Variants in KLF13 observed in about 807,000 individuals in gnomAD.
KLF13 encodes the protein Krueppel-like factor 13.
Under a neutral mutation model 16.7 loss-of-function variants are expected in KLF13, and 8 were observed. That is an observed-to-expected ratio of 0.48 (90% CI 0.28 to 0.87). KLF13 has a LOEUF of 0.87. Among genes scored for constraint, KLF13 ranks in the 40% least tolerant of loss-of-function variants. KLF13 has a pLI of 0.10. For synonymous variants in KLF13, 245 were observed against 208.4 expected (o/e 1.18, Z -1.51); for missense variants, 447 against 452.2 (o/e 0.99, Z 0.10).
intron 1 of KLF13, among the ~76,000 whole-genome samples, chr15:31,410,614 CA>C (rs2040181606): frequency 3.2e-5 from 3 of 93,874 alleles, no homozygotes; most frequent in African/African-American, 9.3e-5. Context: ...CACACACACA[CA>C]CACACACACA....
intron 1 of KLF13, among the ~76,000 whole-genome samples, chr15:31,357,302 C>T (rs1191703139): frequency 1.3e-5 from 2 of 152,208 alleles, no homozygotes; most frequent in Non-Finnish European, 2.9e-5. Context: ...GCCTCTGCTC[C>T]CTCCACATCA....
At chr15:31,370,298 T>G (rs2039538466) in intron 1 of KLF13, among the ~76,000 whole-genome samples, 1 of 152,122 alleles carries the variant, frequency 6.6e-6, no homozygotes, top group African/African-American at 2.4e-5. Flanking sequence ...GACATCCACA[T>G]ATTTTCCAGA....
At chr15:31,333,840 A>G (rs1595451337) in intron 1 of KLF13, among the ~76,000 whole-genome samples, 1 of 152,216 alleles carries the variant, frequency 6.6e-6, no homozygotes, top group East Asian at 1.9e-4. Context: ...GTTGTCTTGT[A>G]GAACAACTCA....
chr15:31,423,085 ATATACGTATATATACG>A (rs1390153865), intron 1 of KLF13, among the ~76,000 whole-genome samples: 4 of 140,248 alleles, frequency 2.9e-5, no homozygotes, highest in Admixed American at 2.1e-4. Context: ...AATTACATAT[ATATACGTATATATACG>A]TATACGTATA....
intron 2 of KLF13, among the ~76,000 whole-genome samples, chr15:31,397,739 A>G (rs1183884320): frequency 2.0e-5 from 3 of 152,214 alleles, no homozygotes; most frequent in African/African-American, 7.2e-5. Flanking sequence ...ATTTTCAACC[A>G]TACCCAGTGG....
chr15:31,432,690 TC>T (rs142630022), intron 1 of KLF13, among the ~76,000 whole-genome samples: 2,856 of 152,146 alleles, frequency 0.019, 93 homozygotes, highest in African/African-American at 0.06. Context: ...ACTCAAGCGA[TC>T]CTCTTGCCTT....
intron 1 of KLF13, among the ~76,000 whole-genome samples, chr15:31,364,102 CTG>C (rs4042090): frequency 0.81 from 123,635 of 151,858 alleles, 50,582 homozygotes; most frequent in South Asian, 0.9. Context: ...GCTTACGAAA[CTG>C]TGTTGAATCC....
At chr15:31,339,111 A>G (rs1383514742) in intron 1 of KLF13, among the ~76,000 whole-genome samples, 1 of 152,108 alleles carries the variant, frequency 6.6e-6, no homozygotes, top group Non-Finnish European at 1.5e-5. Context: ...GTCCCTGCTC[A>G]TGGTCAGGGT....
chr15:31,339,479 G>A (rs932982672), intron 1 of KLF13, among the ~76,000 whole-genome samples: 2 of 152,178 alleles, frequency 1.3e-5, no homozygotes, highest in Non-Finnish European at 2.9e-5. Context: ...CACTGGCCAC[G>A]ATCCAGGGAC....
intron 1 of KLF13, among the ~76,000 whole-genome samples, chr15:31,385,155 C>G (rs897609330): frequency 5.3e-5 from 8 of 152,132 alleles, no homozygotes; most frequent in African/African-American, 1.9e-4. Context: ...TGGATCTGTC[C>G]GCACCTTGAT....
chr15:31,383,232 T>G (rs2039749662), intron 1 of KLF13, among the ~76,000 whole-genome samples: 1 of 152,164 alleles, frequency 6.6e-6, no homozygotes, highest in Non-Finnish European at 1.5e-5. Flanking sequence ...CACACTCCAG[T>G]GGGTTTTCTG....
intron 1 of KLF13, among the ~76,000 whole-genome samples, chr15:31,417,668 A>G (rs1595509902): frequency 2.0e-5 from 3 of 151,542 alleles, no homozygotes; most frequent in Admixed American, 6.6e-5. Context: ...CAGCCTCCCG[A>G]GTAGCTGGGA....
At chr15:31,424,079 G>C (rs576882870) in intron 1 of KLF13, among the ~76,000 whole-genome samples, 8 of 152,140 alleles carry the variant, frequency 5.3e-5, no homozygotes, top group Non-Finnish European at 1.0e-4. Flanking sequence ...CTAGTAGAGA[G>C]ATTAAATCAC....
intron 1 of KLF13, among the ~76,000 whole-genome samples, chr15:31,362,944 A>G (rs2039412441): frequency 6.6e-6 from 1 of 152,248 alleles, no homozygotes; most frequent in South Asian, 2.1e-4. Flanking sequence ...GACAGGCCCC[A>G]GTGGAAGGAC....
chr15:31,327,939 C>G (rs925832780), intron 1 of KLF13, 150 bp downstream of exon 1: 10 of 946,516 alleles, frequency 1.1e-5, no homozygotes, highest in Non-Finnish European at 1.3e-5. Context: ...CCGCTCCGAC[C>G]CGCGGCTGGC....
downstream of KLF13, among the ~76,000 whole-genome samples, chr15:31,380,042 A>C (rs2039705554): frequency 6.6e-6 from 1 of 152,198 alleles, no homozygotes; most frequent in Admixed American, 6.5e-5. Flanking sequence ...TCACGCCTGT[A>C]ATCCCAGCAC....
chr15:31,342,540 G>A (rs12439853), intron 1 of KLF13, among the ~76,000 whole-genome samples: 8,851 of 152,244 alleles, frequency 0.058, 340 homozygotes, highest in East Asian at 0.13. Context: ...TCATCGCTGC[G>A]GTCGGCATCT....
intron 2 of KLF13, among the ~76,000 whole-genome samples, chr15:31,399,990 C>T (rs1166437191): frequency 1.3e-5 from 2 of 152,200 alleles, no homozygotes; most frequent in Non-Finnish European, 2.9e-5. Flanking sequence ...CCAGGGGCTT[C>T]CCACTAGGGA....
At chr15:31,332,869 A>C (rs906166150) in intron 1 of KLF13, among the ~76,000 whole-genome samples, 1 of 152,192 alleles carries the variant, frequency 6.6e-6, no homozygotes, top group African/African-American at 2.4e-5. Flanking sequence ...CCTACAGTCA[A>C]CCAGCACTGG....
Sources: allele counts gnomAD v4.1 joint callset (sites outside exome capture counted in the v4.1 genomes callset), GRCh38; gene constraint gnomAD v4.1.1; transcripts MANE v1.5; gene names NCBI Gene and HGNC (gene_info 2026-07-23, HGNC 2026-07-21).